The following ADGRF4 variants were observed in gnomAD, a reference collection of about 807,000 sequenced individuals.
ADGRF4 encodes G-protein coupled receptor PGR18.
ADGRF4 carries 63 observed loss-of-function variants against 58.5 expected under a neutral mutation model. The observed-to-expected ratio is 1.08, with a 90% confidence interval of 0.88 to 1.33. The LOEUF (loss-of-function observed/expected upper bound fraction) is 1.33. ADGRF4 is among the 40% of genes most tolerant of loss of function. The pLI, the probability that ADGRF4 is intolerant of heterozygous loss-of-function variation, is 0.00. For synonymous variants in ADGRF4, 313 were observed against 295.4 expected, an observed-to-expected ratio of 1.06 and a Z score of -0.61; for missense variants, 931 against 843.9, an observed-to-expected ratio of 1.10 and a Z score of -1.28.
Position 47,700,940 on chromosome 6 carries a change from T to TCTGACTAATGACAACCTGAC in ADGRF4, c.-17+2146_-17+2147insCTGACTAATGACAACCTGAC, listed in dbSNP as rs1393575248. 2.3e-3 allele frequency among the ~76,000 whole-genome samples: 351 copies of TCTGACTAATGACAACCTGAC among 152,298 alleles called. 1 individual carries two copies. The highest frequency in any genetic ancestry group is 8.1e-3 in the African/African-American group (338 of 41,560). ...ATAGAGAAACATCAGGTGTTTACAT[T>TCTGACTAATGACAACCTGAC]TTTTTGCCTATTTCACTAGGTGTGG... On this transcript the variant is annotated intron_variant, in intron 1 of 9. Coordinates refer to ENST00000283303, the MANE Select transcript of ADGRF4 (RefSeq NM_153838.5).
At position 47,714,606 on chromosome 6, in the gene ADGRF4, A is replaced by G. The variant is rs775163750; in HGVS notation, c.1361A>G (p.Asn454Ser). ...VNIAVSLLTA[N>S]VWFIIGSHFN... is the part of the protein sequence containing the mutation. ...ATAGCAGTGTCCCTTCTGACTGCCA[A>G]TGTGTGGTTTATCATAGGCTCTCAC... The change falls in exon 6 of 10, where the codon AAT becomes AGT. Residue 454 changes from asparagine to serine, a missense_variant. Physicochemically the swap from Asn to Ser is conservative, Grantham distance 46. Coordinates refer to ENST00000283303, the MANE Select transcript of ADGRF4 (RefSeq NM_153838.5). 2 of 1,614,066 alleles carry G rather than the reference A, an allele frequency of 1.2e-6. No homozygotes were observed. The highest frequency in any genetic ancestry group is 1.7e-5 in the Admixed American group (1 of 60,014).
intron 1 of ADGRF4, among the ~76,000 whole-genome samples, chr6:47,701,940 T>C (rs777865709): frequency 1.7e-4 from 26 of 152,306 alleles, no homozygotes; most frequent in Non-Finnish European, 1.9e-4. Flanking sequence ...TTCAAGCGAT[T>C]TGATTCTCCT....
At chr6:47,700,399 A>T (rs998162132) in intron 1 of ADGRF4, among the ~76,000 whole-genome samples, 2 of 152,182 alleles carry the variant, frequency 1.3e-5, no homozygotes, top group Non-Finnish European at 2.9e-5. Flanking sequence ...CAGTACCCAG[A>T]CAGACTCACT....
intron 9 of ADGRF4, among the ~76,000 whole-genome samples, chr6:47,720,547 G>T (rs923119202): frequency 6.6e-6 from 1 of 152,176 alleles, no homozygotes; most frequent in Non-Finnish European, 1.5e-5. Flanking sequence ...CAGGGAAGGA[G>T]GACTGCAGAG....
chr6:47,715,303 T>A, intron 6 of ADGRF4, 126 bp downstream of exon 6: 1 of 746,436 alleles, frequency 1.3e-6, no homozygotes, highest in Non-Finnish European at 2.2e-6. Flanking sequence ...GTTATTTGGC[T>A]ATGGCATCTG....
chr6:47,715,152 T>G lies in ADGRF4; in HGVS notation c.1907T>G (p.Ile636Ser). ...IEGTSLTFHI[I>S]FALLNAFQGF... is the part of the protein sequence containing the mutation. Reference sequence around the variant, plus strand: ...GGCACTTCCTTGACGTTCCATATAATTTTTGCCTTGCTCAATGCTTTCCAG... The same window carrying G: ...GGCACTTCCTTGACGTTCCATATAAGTTTTGCCTTGCTCAATGCTTTCCAG... The change falls in exon 6 of 10, where the codon ATT (isoleucine) becomes AGT (serine). Residue 636 changes from isoleucine to serine, a missense_variant. Transcript: ENST00000283303. 1 of 1,589,350 alleles carries G rather than the reference T, an allele frequency of 6.3e-7. No homozygotes were observed.
At position 47,702,867 on chromosome 6, in the gene ADGRF4, G is replaced by C. The variant is rs1402577274; in HGVS notation, c.-17+4073G>C. On this transcript the variant is annotated intron_variant, in intron 1 of 9. Coordinates refer to ENST00000283303, the MANE Select transcript of ADGRF4 (RefSeq NM_153838.5). ...AGTCTGGATTCTCCACATAGGATAG[G>C]ATCTAGCACTGGCTGTCCACTCTTT... is the stretch of plus-strand genomic sequence containing the variant. Among the ~76,000 whole-genome samples, 4 of 152,326 alleles carry C rather than the reference G, an allele frequency of 2.6e-5. No individual in the cohort carries two copies. The South Asian group carries it at 8.3e-4, about 32-fold the overall frequency.
chr6:47,700,297 G>A (rs1399016431), intron 1 of ADGRF4, among the ~76,000 whole-genome samples: 1 of 152,156 alleles, frequency 6.6e-6, no homozygotes, highest in Non-Finnish European at 1.5e-5. Flanking sequence ...CTGATGTCAG[G>A]CCGCACTCAG....
intron 9 of ADGRF4, 62 bp downstream of exon 9, chr6:47,718,507 C>T: frequency 1.1e-6 from 1 of 910,854 alleles, no homozygotes; most frequent in Non-Finnish European, 1.9e-6. Flanking sequence ...ACCAATGCCC[C>T]TTGTGACCAC....
At position 47,714,003 on chromosome 6, in the gene ADGRF4, A is replaced by C. The variant is rs774870325; in HGVS notation, c.758A>C (p.Glu253Ala). Residue 253 changes from glutamate to alanine, a missense_variant, in exon 6 of 10, where the codon GAG becomes GCG. By Grantham distance (107) the Glu-to-Ala change is moderately radical. Coordinates refer to ENST00000283303, the MANE Select transcript of ADGRF4 (RefSeq NM_153838.5). ...TTTCACATCAACCATAATACCTCAG[A>C]GAAAAGCCTCAATTTCTCCATGAGC... ...KGFHINHNTSEKSLNFSMSMN... is the reference protein window; with the variant it reads ...KGFHINHNTSAKSLNFSMSMN... 1.1e-5 allele frequency: 17 copies of C among 1,605,462 alleles called. No homozygotes were observed. Among genetic ancestry groups the C allele is most frequent in the Non-Finnish European group, 1.4e-5 (17 of 1,175,862 alleles).
rs758864280 is a variant in ADGRF4, at chr6:47,714,565, C to T, written c.1320C>T (p.His440=). The change falls in exon 6 of 10, where the codon CAC becomes CAT. Residue 440 remains histidine, a synonymous_variant. Transcript: ENST00000283303. ...TGACGGAGATATCATACATGCGTCACGTGTGCATCGTGAATATAGCAGTGT... is the reference window on the plus strand; with the variant it reads ...TGACGGAGATATCATACATGCGTCATGTGTGCATCGTGAATATAGCAGTGT... The part of the protein sequence containing the change: ...VVVTEISYMR[H]VCIVNIAVSL... The T allele has an allele frequency of 3.1e-6, 5 of 1,614,098 alleles. No homozygotes were observed. The East Asian group carries it at 6.7e-5, about 22-fold the overall frequency.
Position 47,712,376 on chromosome 6 carries a change from G to A in ADGRF4, c.320G>A (p.Arg107His), listed in dbSNP as rs748207158. The A allele has an allele frequency of 2.1e-5, 34 of 1,613,682 alleles. No homozygotes were observed. Among genetic ancestry groups the A allele is most frequent in the East Asian group, 1.6e-4 (7 of 44,886 alleles). Reference protein sequence around the residue: ...KLFKDSTGASRLSVAAPSIPL... With the variant: ...KLFKDSTGASHLSVAAPSIPL... ...AAACAGGACTCAACTGGTGCATCTC[G>A]CCTTTCTGTAGCAGCACCATCTATA... The change falls in exon 5 of 10, where the codon CGC becomes CAC. Residue 107 changes from arginine to histidine, a missense_variant. Transcript: ENST00000283303.
intron 6 of ADGRF4, among the ~76,000 whole-genome samples, chr6:47,715,908 C>A (rs1235363053): frequency 1.3e-5 from 2 of 151,966 alleles, no homozygotes; most frequent in South Asian, 2.1e-4. Context: ...ACCCATAATT[C>A]TGTAGTAACT....
At position 47,714,324 on chromosome 6, in the gene ADGRF4, A is replaced by G; in HGVS notation, c.1079A>G (p.Asp360Gly). The change falls in exon 6 of 10, where the codon GAT becomes GGT. Residue 360 changes from aspartate to glycine, a missense_variant. Coordinates refer to ENST00000283303, the MANE Select transcript of ADGRF4 (RefSeq NM_153838.5). ...TGGCACTCCAAGAAAAGGAGATGGGATGAGAAAGCGTGCCAAATGATGTTG... is the reference window on the plus strand; with the variant it reads ...TGGCACTCCAAGAAAAGGAGATGGGGTGAGAAAGCGTGCCAAATGATGTTG... ...VGWHSKKRRW[D>G]EKACQMMLDI... 6.2e-7 allele frequency: 1 copy of G among 1,614,206 alleles called. No homozygotes were observed. The highest frequency in any genetic ancestry group is 8.5e-7 in the Non-Finnish European group (1 of 1,180,028).
intron 7 of ADGRF4, 139 bp downstream of exon 7, chr6:47,716,986 G>GAA: frequency 5.3e-6 from 3 of 568,718 alleles, no homozygotes; most frequent in Non-Finnish European, 9.4e-6. Flanking sequence ...GCTGTGAAAA[G>GAA]AAAAAAAAAA....
At chr6:47,715,625 C>T (rs891866348) in intron 6 of ADGRF4, 1 of 155,546 alleles carries the variant, frequency 6.4e-6, no homozygotes, top group Non-Finnish European at 1.4e-5. Context: ...AGTTCTCATA[C>T]CTCTTTCCTG....
At chr6:47,717,842 T>C (rs1200956761) in intron 8 of ADGRF4, among the ~76,000 whole-genome samples, 1 of 152,232 alleles carries the variant, frequency 6.6e-6, no homozygotes, top group Admixed American at 6.5e-5. Flanking sequence ...GAGTAAACCA[T>C]ACTCTCTTGG....
intron 3 of ADGRF4, among the ~76,000 whole-genome samples, chr6:47,709,006 C>G (rs118005149): frequency 6.6e-6 from 1 of 150,848 alleles, no homozygotes; most frequent in Non-Finnish European, 1.5e-5. Flanking sequence ...AAAATGAGAA[C>G]TACTCTGGTT....
At chr6:47,720,209 AC>A (rs1206662527) in intron 9 of ADGRF4, among the ~76,000 whole-genome samples, 1 of 152,072 alleles carries the variant, frequency 6.6e-6, no homozygotes, top group Non-Finnish European at 1.5e-5. Context: ...CTCAGCGGAG[AC>A]AGGGGCCCCA....
Sources: allele counts gnomAD v4.1 joint callset (sites outside exome capture counted in the v4.1 genomes callset), GRCh38; gene constraint gnomAD v4.1.1; transcripts MANE v1.5; gene names NCBI Gene and HGNC (gene_info 2026-07-23, HGNC 2026-07-21).